The following TMPRSS11A variants were observed in gnomAD, a reference collection of about 807,000 sequenced individuals.
TMPRSS11A encodes transmembrane protease serine 11A.
A neutral mutation model predicts 58.9 loss-of-function variants in TMPRSS11A; 53 were observed. That is an observed-to-expected ratio of 0.90 (90% CI 0.72 to 1.13). TMPRSS11A has a LOEUF of 1.13. Among genes scored for constraint, TMPRSS11A ranks in the 50% most tolerant of loss-of-function variants. TMPRSS11A has a pLI of 0.00. For missense variants in TMPRSS11A, 493 were observed against 499.3 expected (o/e 0.99, Z 0.12); for synonymous variants, 167 against 169.8 (o/e 0.98, Z 0.13).
At chr4:67,944,228 C>A (rs946566641) in intron 3 of TMPRSS11A, among the ~76,000 whole-genome samples, 1 of 152,006 alleles carries the variant, frequency 6.6e-6, no homozygotes, top group Non-Finnish European at 1.5e-5. Context: ...AAGAAATGGG[C>A]TAGGATATCT....
At chr4:67,953,911 GAAGAAACAAAGA>G (rs1448638489) in intron 1 of TMPRSS11A, among the ~76,000 whole-genome samples, 1 of 152,164 alleles carries the variant, frequency 6.6e-6, no homozygotes. Context: ...AACACAAGAG[GAAGAAACAAAGA>G]AAACATTTTC....
chr4:67,922,643 C>T, intron 7 of TMPRSS11A, 112 bp downstream of exon 7: 1 of 1,072,472 alleles, frequency 9.3e-7, no homozygotes, highest in South Asian at 1.9e-5. Flanking sequence ...CCTGAAATAA[C>T]TTTTTCTTAT....
chr4:67,958,249 G>A (rs764037478), intron 1 of TMPRSS11A, among the ~76,000 whole-genome samples: 12 of 152,280 alleles, frequency 7.9e-5, no homozygotes, highest in Admixed American at 3.9e-4. Context: ...ACCCCAGAAT[G>A]GTAGATTCAC....
At chr4:67,945,230 A>G (rs1014859445) in intron 2 of TMPRSS11A, among the ~76,000 whole-genome samples, 10 of 152,206 alleles carry the variant, frequency 6.6e-5, no homozygotes, top group Admixed American at 2.0e-4. Context: ...AATGTAAGAA[A>G]GGAAAGCAGT....
At position 67,961,483 on chromosome 4, in the gene TMPRSS11A, C is replaced by CTTTCTTTTTTTTTT. The variant is rs1560577100; in HGVS notation, c.11+1899_11+1900insAAAAAAAAAAGAAA. Reference sequence around the variant, plus strand: ...TTTTCTTTCCTTTCCTTTTCTTTTCCTTTTTTTTTTTTTTTTTTTTTTTTT... The same window carrying CTTTCTTTTTTTTTT: ...TTTTCTTTCCTTTCCTTTTCTTTTCCTTTCTTTTTTTTTTTTTTTTTTTTTTTTTTTTTTTTTTT... On this transcript the variant is annotated intron_variant, in intron 1 of 9. Coordinates refer to ENST00000508048, the MANE Select transcript of TMPRSS11A (RefSeq NM_001114387.2). 2.8e-4 allele frequency among the ~76,000 whole-genome samples: 2 copies of CTTTCTTTTTTTTTT among 7,162 alleles called. 1 individual carries two copies. The allele number at this position is 7,162 out of a possible 152,430, so 4.7% of individuals were successfully genotyped here.
chr4:67,922,092 T>G (rs1720345667), intron 7 of TMPRSS11A, among the ~76,000 whole-genome samples: 1 of 152,218 alleles, frequency 6.6e-6, no homozygotes, highest in Non-Finnish European at 1.5e-5. Context: ...CTTTGTCTTT[T>G]GTGTCACTAT....
At chr4:67,913,993 G>A (rs1720074878) in intron 9 of TMPRSS11A, among the ~76,000 whole-genome samples, 1 of 152,190 alleles carries the variant, frequency 6.6e-6, no homozygotes, top group Non-Finnish European at 1.5e-5. Context: ...TCACAACATG[G>A]CCTAATCCAC....
intron 1 of TMPRSS11A, among the ~76,000 whole-genome samples, chr4:67,960,550 G>T (rs987141668): frequency 2.0e-5 from 3 of 152,108 alleles, no homozygotes; most frequent in Admixed American, 2.0e-4. Context: ...ATTATAGTTT[G>T]AATGCTTATT....
intron 7 of TMPRSS11A, among the ~76,000 whole-genome samples, chr4:67,920,549 A>ATATATATATATATATTT (rs371252656): frequency 3.8e-5 from 5 of 130,894 alleles, no homozygotes; most frequent in Admixed American, 1.5e-4. Flanking sequence ...ATATATATAT[A>ATATATATATATATATTT]TTTTTTTTTA....
intron 3 of TMPRSS11A, among the ~76,000 whole-genome samples, chr4:67,941,922 G>C (rs755652284): frequency 6.6e-6 from 1 of 152,028 alleles, no homozygotes. Flanking sequence ...AGAACAACAC[G>C]GTCCATATTA....
intron 1 of TMPRSS11A, among the ~76,000 whole-genome samples, chr4:67,955,275 G>T (rs1721258569): frequency 6.6e-6 from 1 of 152,202 alleles, no homozygotes; most frequent in African/African-American, 2.4e-5. Flanking sequence ...GAGCCACAAA[G>T]TAAAACTTAT....
chr4:67,913,614 C>A (rs149397413), intron 9 of TMPRSS11A, among the ~76,000 whole-genome samples: 1 of 152,180 alleles, frequency 6.6e-6, no homozygotes, highest in African/African-American at 2.4e-5. Flanking sequence ...AAGACTCCTG[C>A]ACCTTCCACC....
chr4:67,920,551 T>TATATATATATA (rs58054364), intron 7 of TMPRSS11A, among the ~76,000 whole-genome samples: 5 of 80,066 alleles, frequency 6.2e-5, no homozygotes, highest in Admixed American at 1.1e-4. Context: ...ATATATATAT[T>TATATATATATA]TTTTTTTATA....
intron 5 of TMPRSS11A, among the ~76,000 whole-genome samples, chr4:67,928,243 A>G (rs1344305629): frequency 6.6e-6 from 1 of 152,008 alleles, no homozygotes; most frequent in Non-Finnish European, 1.5e-5. Flanking sequence ...ACGGGGTTTC[A>G]CCATATTGGC....
intron 3 of TMPRSS11A, among the ~76,000 whole-genome samples, chr4:67,936,862 T>TAG (rs1720767636): frequency 6.6e-6 from 1 of 152,254 alleles, no homozygotes; most frequent in African/African-American, 2.4e-5. Context: ...AACAAAAACC[T>TAG]AGATCTTTGA....
chr4:67,954,926 A>G (rs1721248505), intron 1 of TMPRSS11A, among the ~76,000 whole-genome samples: 1 of 152,236 alleles, frequency 6.6e-6, no homozygotes, highest in Non-Finnish European at 1.5e-5. Flanking sequence ...AATGTAACCT[A>G]CATAGAGTAA....
At chr4:67,959,382 G>A (rs992397700) in intron 1 of TMPRSS11A, among the ~76,000 whole-genome samples, 3 of 152,100 alleles carry the variant, frequency 2.0e-5, no homozygotes, top group African/African-American at 7.2e-5. Flanking sequence ...AAGAGTATCT[G>A]CACAGCAAAA....
intron 3 of TMPRSS11A, among the ~76,000 whole-genome samples, chr4:67,940,478 T>C (rs1324103055): frequency 2.6e-5 from 4 of 152,168 alleles, no homozygotes; most frequent in Non-Finnish European, 4.4e-5. Flanking sequence ...GAAGATTGTG[T>C]TTTTCCAGGA....
chr4:67,930,012 CA>C lies in TMPRSS11A; in HGVS notation c.348del (p.Asp116GlufsTer16), dbSNP rs772469885. The C allele has an allele frequency of 4.3e-6, 7 of 1,612,814 alleles. No homozygotes were observed. Among genetic ancestry groups the C allele is most frequent in the Non-Finnish European group, 5.9e-6 (7 of 1,179,370 alleles). On this transcript the variant is annotated frameshift_variant, in exon 5 of 10. Transcript: ENST00000508048. LOFTEE classifies it high-confidence loss of function. ...GAGGGGAACTGGAACACCATAATGA[CA>C]TCTACTTTCACACCATCTTCCTCTG... ...LTPEEDGVKVDVIMVFQFPST... is the reference protein window; with the variant it reads ...LTPEEDGVKVXVIMVFQFPST...
Sources: gnomAD v4.1 joint callset for allele counts (sites outside exome capture counted in the v4.1 genomes callset) on GRCh38, gnomAD v4.1.1 for gene constraint, MANE v1.5 for transcripts, NCBI Gene and HGNC (gene_info 2026-07-23, HGNC 2026-07-21) for gene names.